The following DNAH6 variants were observed in gnomAD, a reference collection of about 807,000 sequenced individuals.
DNAH6 encodes dynein axonemal heavy chain 6.
Under a neutral mutation model 491.4 loss-of-function variants are expected in DNAH6, and 340 were observed. That is an observed-to-expected ratio of 0.69 (90% CI 0.63 to 0.76). DNAH6 has a LOEUF of 0.76. DNAH6 is among the 30% of genes least tolerant of loss of function. The pLI, the probability that DNAH6 is intolerant of heterozygous loss-of-function variation, is 0.00. For missense variants in DNAH6, 4,443 were observed against 4,972.2 expected, an observed-to-expected ratio of 0.89 and a Z score of 3.20; for synonymous variants, 1,603 against 1,686.1, an observed-to-expected ratio of 0.95 and a Z score of 1.21.
At chr2:84,803,666 G>C (rs1167102926) in intron 70 of DNAH6, among the ~76,000 whole-genome samples, 1 of 151,718 alleles carries the variant, frequency 6.6e-6, no homozygotes, top group Non-Finnish European at 1.5e-5. Flanking sequence ...AATACTTAAA[G>C]TGCAAAAAAT....
intron 2 of DNAH6, among the ~76,000 whole-genome samples, chr2:84,521,696 G>A (rs1676159999): frequency 6.6e-6 from 1 of 152,266 alleles, no homozygotes; most frequent in East Asian, 1.9e-4. Context: ...CATATGGGTA[G>A]CCAGTTATCC....
intron 71 of DNAH6, among the ~76,000 whole-genome samples, chr2:84,806,488 G>A (rs1005488095): frequency 5.9e-5 from 9 of 151,932 alleles, no homozygotes; most frequent in South Asian, 2.1e-4. Context: ...GCGTGGTGGC[G>A]GTCGCCTGTA....
At position 84,609,124 on chromosome 2, in the gene DNAH6, T is replaced by C. The variant is rs371152845; in HGVS notation, c.3294+2029T>C. Reference sequence around the variant, plus strand: ...AAAGAGTTAGGGTCTTGCCTCAGACTAGGCTTTGGCTTAAGGGAATGTTAT... The same window carrying C: ...AAAGAGTTAGGGTCTTGCCTCAGACCAGGCTTTGGCTTAAGGGAATGTTAT... On this transcript the variant is annotated intron_variant, in intron 21 of 76. Coordinates refer to ENST00000389394, the MANE Select transcript of DNAH6 (RefSeq NM_001370.2). Among the ~76,000 whole-genome samples, 242 of 152,346 alleles carry C rather than the reference T, an allele frequency of 1.6e-3. 6 individuals are homozygous for C. In the South Asian group the frequency reaches 0.046, roughly 29 times the overall value.
chr2:84,463,265 T>G, the DNAH6 span, among the ~76,000 whole-genome samples: 9 of 152,264 alleles, frequency 5.9e-5, no homozygotes, highest in Middle Eastern at 3.4e-3. Context: ...GAGACAGACC[T>G]CAGCCCCTTC....
At chr2:84,670,157 G>C (rs1692587916) in intron 38 of DNAH6, among the ~76,000 whole-genome samples, 171 bp from the exon 39 acceptor site, 1 of 152,182 alleles carries the variant, frequency 6.6e-6, no homozygotes, top group Non-Finnish European at 1.5e-5. Flanking sequence ...TATCTCTTTG[G>C]TTCTGAAAAA....
chr2:84,617,317 C>A (rs1573236766), intron 23 of DNAH6, among the ~76,000 whole-genome samples: 1 of 151,876 alleles, frequency 6.6e-6, no homozygotes, highest in Non-Finnish European at 1.5e-5. Flanking sequence ...AATGGGGTAT[C>A]CATCCCCTCA....
intron 29 of DNAH6, among the ~76,000 whole-genome samples, chr2:84,627,101 G>A (rs2104431501): frequency 6.6e-6 from 1 of 152,272 alleles, no homozygotes; most frequent in African/African-American, 2.4e-5. Flanking sequence ...AACAGCATTA[G>A]CATCACCTGA....
chr2:84,657,920 A>G (rs1466249466), intron 35 of DNAH6, among the ~76,000 whole-genome samples: 2 of 152,050 alleles, frequency 1.3e-5, no homozygotes, highest in African/African-American at 2.4e-5. Flanking sequence ...TCTACCTTAC[A>G]TAGATACTAA....
chr2:84,715,463 C>T, intron 57 of DNAH6, 97 bp from the exon 58 acceptor site: 1 of 1,148,426 alleles, frequency 8.7e-7, no homozygotes, highest in Non-Finnish European at 1.3e-6. Context: ...ACCTGAGATA[C>T]ATCCGCCTGG....
At chr2:84,745,803 T>C (rs1270568132) in intron 63 of DNAH6, among the ~76,000 whole-genome samples, 2 of 152,164 alleles carry the variant, frequency 1.3e-5, no homozygotes, top group East Asian at 3.9e-4. Flanking sequence ...TACCGTGCTC[T>C]CTGCTGGAGG....
rs139316203 is a variant in DNAH6, at chr2:84,608,642, G to C, written c.3294+1547G>C. Among the ~76,000 whole-genome samples, 1,216 of 152,266 alleles carry C rather than the reference G, an allele frequency of 8.0e-3. 9 individuals carry two copies. The highest frequency in any genetic ancestry group is 0.013 in the Non-Finnish European group (911 of 68,016). On this transcript the variant is annotated intron_variant, in intron 21 of 76. Coordinates refer to ENST00000389394, the MANE Select transcript of DNAH6 (RefSeq NM_001370.2). ...AAATCATGCTGTAAACAGATGTGCT[G>C]TCACACAGGCTTTGTTGTTTCATTT...
the DNAH6 span, among the ~76,000 whole-genome samples, chr2:84,468,502 T>G: frequency 6.6e-6 from 1 of 152,212 alleles, no homozygotes; most frequent in African/African-American, 2.4e-5. Context: ...TTAGAATTTC[T>G]TATGCCAAAT....
At chr2:84,714,723 C>T (rs1328130266) in intron 57 of DNAH6, among the ~76,000 whole-genome samples, 1 of 151,960 alleles carries the variant, frequency 6.6e-6, no homozygotes, top group Non-Finnish European at 1.5e-5. Context: ...ACTTATTTAA[C>T]TTTTGAGAGG....
At chr2:84,646,824 C>T (rs969791121) in intron 33 of DNAH6, among the ~76,000 whole-genome samples, 24 of 152,120 alleles carry the variant, frequency 1.6e-4, no homozygotes, top group African/African-American at 5.8e-4. Context: ...GGAGTTGCTT[C>T]TTATAGATTA....
chr2:84,503,193 A>G, the DNAH6 span, among the ~76,000 whole-genome samples: 1 of 152,010 alleles, frequency 6.6e-6, no homozygotes, highest in East Asian at 1.9e-4. Flanking sequence ...AGGCTTGCAA[A>G]TACTGTTTTA....
At chr2:84,676,720 A>G (rs1455486960) in intron 40 of DNAH6, among the ~76,000 whole-genome samples, 2 of 152,242 alleles carry the variant, frequency 1.3e-5, no homozygotes, top group African/African-American at 4.8e-5. Context: ...TTCAGATAGC[A>G]AAGTTTTTAG....
chr2:84,628,555 T>G (rs977719019), intron 29 of DNAH6, among the ~76,000 whole-genome samples: 3 of 152,190 alleles, frequency 2.0e-5, no homozygotes, highest in African/African-American at 7.2e-5. Flanking sequence ...GCTCTTCCTT[T>G]CTACAAAAAG....
In DNAH6 at chr2:84,640,540, T is replaced by C. The variant is rs1689290070; in HGVS notation, c.4932T>C (p.Phe1644=). 5.2e-6 allele frequency: 8 copies of C among 1,550,914 alleles called. No individual in the cohort carries two copies. In the East Asian group the frequency reaches 1.7e-4, roughly 33 times the overall value. The part of the protein sequence containing the change: ...EQLSQQDHYD[F]GMRAVKSVLV... ...TGTCTCAGCAGGATCACTACGACTT[T>C]GGCATGAGAGCTGTGAAGTCTGTCC... Residue 1644 remains phenylalanine (F), a synonymous_variant, in exon 32 of 77, where the codon TTT becomes TTC. Coordinates refer to ENST00000389394, the MANE Select transcript of DNAH6 (RefSeq NM_001370.2).
intron 67 of DNAH6, among the ~76,000 whole-genome samples, chr2:84,786,097 AGAAAGAAT>A (rs1257409639): frequency 1.4e-5 from 2 of 140,324 alleles, no homozygotes; most frequent in East Asian, 2.0e-4. Flanking sequence ...CTACAGAGAA[AGAAAGAAT>A]GAATGAATGA....
Sources: allele counts gnomAD v4.1 joint callset (sites outside exome capture counted in the v4.1 genomes callset), GRCh38; gene constraint gnomAD v4.1.1; transcripts MANE v1.5; gene names NCBI Gene and HGNC (gene_info 2026-07-23, HGNC 2026-07-21).